IQCH: variants seen among roughly 807,000 people sequenced by gnomAD.
IQCH encodes the protein IQ motif containing H, also known as IQ domain-containing protein H.
A neutral mutation model predicts 117.0 loss-of-function variants in IQCH; 98 were observed. The ratio of observed to expected loss-of-function variants is 0.84; its 90% confidence interval spans 0.71 to 0.99. The LOEUF is 0.99. IQCH is among the 50% of genes least tolerant of loss of function. The probability of loss-of-function intolerance (pLI) is 0.00; values close to 1 mark genes in which losing one functional copy is unlikely to be tolerated. For missense variants in IQCH, 1,102 were observed against 1,243.8 expected (o/e 0.89, Z 1.72); for synonymous variants, 412 against 448.2 (o/e 0.92, Z 1.02).
intron 4 of IQCH, among the ~76,000 whole-genome samples, chr15:67,311,506 T>C (rs1373253858): frequency 6.7e-6 from 1 of 149,868 alleles, no homozygotes; most frequent in Non-Finnish European, 1.5e-5. Context: ...GCCTTATTGT[T>C]TCCAGTGTTG....
At chr15:67,280,930 T>C (rs1966329013) in intron 4 of IQCH, among the ~76,000 whole-genome samples, 1 of 152,118 alleles carries the variant, frequency 6.6e-6, no homozygotes, top group Admixed American at 6.5e-5. Context: ...CACTGCAACC[T>C]CTGCCCCTCA....
At chr15:67,322,158 TTTA>T (rs1363588322) in intron 4 of IQCH, among the ~76,000 whole-genome samples, 1 of 152,230 alleles carries the variant, frequency 6.6e-6, no homozygotes, top group African/African-American at 2.4e-5. Context: ...GACATTCACA[TTTA>T]TTATTGTTGT....
intron 4 of IQCH, among the ~76,000 whole-genome samples, chr15:67,311,076 A>G (rs1967570809): frequency 6.6e-6 from 1 of 152,062 alleles, no homozygotes; most frequent in Non-Finnish European, 1.5e-5. Flanking sequence ...CATTTTATAG[A>G]TAAGGAAACT....
intron 5 of IQCH, among the ~76,000 whole-genome samples, chr15:67,343,055 A>G (rs1325408644): frequency 6.6e-6 from 1 of 152,216 alleles, no homozygotes; most frequent in Non-Finnish European, 1.5e-5. Context: ...CCCTTCAGTG[A>G]TCATTCTACT....
At chr15:67,295,016 G>C (rs2140512404) in intron 4 of IQCH, among the ~76,000 whole-genome samples, 1 of 152,214 alleles carries the variant, frequency 6.6e-6, no homozygotes, top group African/African-American at 2.4e-5. Context: ...TTTCAGGTGG[G>C]CACTAAACTC....
chr15:67,259,366 C>A (rs969670282), intron 1 of IQCH, among the ~76,000 whole-genome samples: 1 of 152,192 alleles, frequency 6.6e-6, no homozygotes, highest in African/African-American at 2.4e-5. Flanking sequence ...ACCTCATTTT[C>A]ATTCAACAGT....
At position 67,426,722 on chromosome 15, in the gene IQCH, C is replaced by T. The variant is rs913252186; in HGVS notation, c.2505+5145C>T. Among the ~76,000 whole-genome samples the T allele has an allele frequency of 6.6e-6, 1 of 151,980 alleles. No individual in the cohort carries two copies. The highest frequency in any genetic ancestry group is 2.4e-5 in the African/African-American group (1 of 41,352). ...GATGTGGTGGCTCATGCCTGTAATCCCAGCACTTTGGGAGGCTGAGGCAGG... is the reference window on the plus strand; with the variant it reads ...GATGTGGTGGCTCATGCCTGTAATCTCAGCACTTTGGGAGGCTGAGGCAGG... On this transcript the variant is annotated intron_variant, in intron 16 of 20. Coordinates refer to ENST00000335894, the MANE Select transcript of IQCH (RefSeq NM_001031715.3). This position sits in a 1 kb window ranked among gnomAD's most constrained non-coding sequence, Gnocchi z 5.1.
intron 4 of IQCH, among the ~76,000 whole-genome samples, chr15:67,299,988 A>G (rs1458429539): frequency 6.6e-6 from 1 of 152,072 alleles, no homozygotes; most frequent in Non-Finnish European, 1.5e-5. Flanking sequence ...ATTGATGTTT[A>G]CTTTAATACG....
rs964879327 is a variant in IQCH, at chr15:67,474,641, C to T, written c.2677-1055C>T. On this transcript the variant is annotated intron_variant, in intron 17 of 20. Coordinates refer to ENST00000335894, the MANE Select transcript of IQCH (RefSeq NM_001031715.3). This position sits in a 1 kb window ranked among gnomAD's most constrained non-coding sequence, Gnocchi z 4.1. Reference sequence around the variant, plus strand: ...ATAGACAAGCAAGATAAAGAAGAGCCGTTTCCCCAAAGAAAGCAGCATCAA... The same window carrying T: ...ATAGACAAGCAAGATAAAGAAGAGCTGTTTCCCCAAAGAAAGCAGCATCAA... Among the ~76,000 whole-genome samples the T allele has an allele frequency of 6.7e-6, 1 of 148,808 alleles. No homozygotes were observed. The highest frequency in any genetic ancestry group is 2.4e-5 in the African/African-American group (1 of 40,964).
Position 67,459,865 on chromosome 15 carries a change from C to T in IQCH, c.2506-5262C>T, listed in dbSNP as rs2082747462. On this transcript the variant is annotated intron_variant, in intron 16 of 20. Coordinates refer to ENST00000335894, the MANE Select transcript of IQCH (RefSeq NM_001031715.3). The surrounding 1 kb of genome is among the most constrained non-coding windows in gnomAD (Gnocchi z 4.2). ...CAACCAATCCAATAGAAATAGAATT[C>T]AGCCAGGCATAGTAGCTCAGGTCTG... 6.6e-6 allele frequency: 1 copy of T among 152,246 alleles called. No individual in the cohort carries two copies. The highest frequency in any genetic ancestry group is 2.1e-4 in the South Asian group (1 of 4,832). The allele number at this position is 152,246 out of a possible 1,614,324, so 9.4% of individuals were successfully genotyped here.
At chr15:67,319,656 A>G (rs960076777) in intron 4 of IQCH, among the ~76,000 whole-genome samples, 3 of 152,202 alleles carry the variant, frequency 2.0e-5, no homozygotes, top group Admixed American at 6.5e-5. Context: ...AGTGCTTTCT[A>G]TATATGCAAC....
intron 3 of IQCH, among the ~76,000 whole-genome samples, 168 bp downstream of exon 3, chr15:67,263,384 T>C (rs1241420371): frequency 6.6e-6 from 1 of 152,176 alleles, no homozygotes; most frequent in East Asian, 1.9e-4. Context: ...GTAGATCAAG[T>C]ACAGTGAACA....
At position 67,395,685 on chromosome 15, in the gene IQCH, T is replaced by C; in HGVS notation, c.1905+122T>C. 1 of 578,036 alleles carries C rather than the reference T, an allele frequency of 1.7e-6. No individual in the cohort carries two copies. Among genetic ancestry groups the C allele is most frequent in the South Asian group, 3.5e-5 (1 of 28,646 alleles). The allele number at this position is 578,036 out of a possible 1,614,324, so 35.8% of individuals were successfully genotyped here. A position where few individuals can be genotyped will look rare whatever the true frequency, so the allele number is the denominator to read the frequency against. ...TGAAGAATAGGTGGAATATTTGAGT[T>C]GATTTGAGGGAATCTACTTTATTTA... is the stretch of plus-strand genomic sequence containing the variant. On this transcript the variant is annotated intron_variant, in intron 13 of 20. Coordinates refer to ENST00000335894, the MANE Select transcript of IQCH (RefSeq NM_001031715.3). This position sits in a 1 kb window ranked among gnomAD's most constrained non-coding sequence, Gnocchi z 4.0.
At chr15:67,279,574 A>G (rs1047532577) in intron 4 of IQCH, 62 bp downstream of exon 4, 74 of 906,062 alleles carry the variant, frequency 8.2e-5, no homozygotes, top group East Asian at 3.0e-4. Flanking sequence ...GGCTGGGAGG[A>G]GCAGAGACTA....
Position 67,370,816 on chromosome 15 carries a change from A to C in IQCH, c.754-1295A>C, listed in dbSNP as rs755400703. ...AAAGGAAATTTGCACTTTTGGACTT[A>C]ACACTTGTTTTTCAGCATTTTTACT... On this transcript the variant is annotated intron_variant, in intron 8 of 20. Coordinates refer to ENST00000335894, the MANE Select transcript of IQCH (RefSeq NM_001031715.3). This position sits in a 1 kb window ranked among gnomAD's most constrained non-coding sequence, Gnocchi z 5.6. 2.6e-5 allele frequency among the ~76,000 whole-genome samples: 4 copies of C among 152,200 alleles called. No individual in the cohort carries two copies. The highest frequency in any genetic ancestry group is 7.2e-5 in the African/African-American group (3 of 41,446).
intron 1 of IQCH, among the ~76,000 whole-genome samples, chr15:67,260,537 A>G (rs958758554): frequency 5.3e-5 from 8 of 152,192 alleles, no homozygotes; most frequent in Non-Finnish European, 8.8e-5. Context: ...CATTTACAAT[A>G]GTCTTTTCAA....
intron 1 of IQCH, among the ~76,000 whole-genome samples, chr15:67,260,667 A>G (rs999900866): frequency 9.2e-5 from 14 of 152,336 alleles, no homozygotes; most frequent in African/African-American, 3.1e-4. Flanking sequence ...AACTCTTACC[A>G]CTTAAGAAAG....
At chr15:67,303,275 A>C (rs982953726) in intron 4 of IQCH, among the ~76,000 whole-genome samples, 2 of 152,166 alleles carry the variant, frequency 1.3e-5, no homozygotes, top group Non-Finnish European at 2.9e-5. Flanking sequence ...GTTGCCTGGA[A>C]CTAGTGGGAA....
In IQCH at chr15:67,414,499, A is replaced by G. The variant is rs551436139; in HGVS notation, c.2098-2432A>G. 5.9e-5 allele frequency among the ~76,000 whole-genome samples: 9 copies of G among 152,122 alleles called. No homozygotes were observed. In the South Asian group the frequency reaches 1.9e-3, roughly 32 times the overall value. ...CTGAGCAGGAAAGTGAGGCCACATT[A>G]GGAGCCAGAGGCCATATCACAGAGG... On this transcript the variant is annotated intron_variant, in intron 14 of 20. Transcript: ENST00000335894.
Sources: allele counts gnomAD v4.1 joint callset (sites outside exome capture counted in the v4.1 genomes callset), GRCh38; gene constraint gnomAD v4.1.1; non-coding constraint Gnocchi (gnomAD v3.1); transcripts MANE v1.5; gene names NCBI Gene and HGNC (gene_info 2026-07-23, HGNC 2026-07-21).